CNGA1: variants seen among roughly 807,000 people sequenced by gnomAD.
CNGA1 encodes the protein cyclic nucleotide gated channel subunit alpha 1, also known as cyclic nucleotide-gated channel alpha-1.
A neutral mutation model predicts 69.7 loss-of-function variants in CNGA1; 53 were observed. That is an observed-to-expected ratio of 0.76 (90% CI 0.61 to 0.96). The LOEUF is 0.96. CNGA1 is among the 40% of genes least tolerant of loss of function. The pLI is 0.00. For missense variants in CNGA1, 739 were observed against 811.2 expected, an observed-to-expected ratio of 0.91 and a Z score of 1.08; for synonymous variants, 249 against 283.5, an observed-to-expected ratio of 0.88 and a Z score of 1.22.
chr4:47,990,692 C>T (rs557871905), intron 2 of CNGA1, among the ~76,000 whole-genome samples: 17 of 152,192 alleles, frequency 1.1e-4, no homozygotes, highest in Middle Eastern at 3.4e-3. Context: ...CATCATGGTC[C>T]TACTAATATG....
chr4:47,937,393 G>A lies in CNGA1; in HGVS notation c.1089C>T (p.Pro363=), dbSNP rs1257689378. The A allele has an allele frequency of 6.2e-7, 1 of 1,614,000 alleles. No homozygotes were observed. The highest frequency in any genetic ancestry group is 8.5e-7 in the Non-Finnish European group (1 of 1,180,030). Residue 363 remains proline (P), a synonymous_variant, in exon 11 of 11, where the codon CCC becomes CCT. Transcript: ENST00000514170. ...CATACTCAGAATCCCTCACGGGAGG[G>A]GGTGTTTCACCAATGGTAGTCAAAG... is the stretch of plus-strand genomic sequence containing the variant. ...TLTLTTIGET[P]PPVRDSEYVF...
rs1741330650 is a variant in CNGA1 at position 47,976,036 on chromosome 4, T to G, written c.-15+5357A>C. ...TAGAAATTCATGCTGATGACAGGTG[T>G]TTTGGAAAGTCTTAAAAAAAAGTCC... On this transcript the variant is annotated intron_variant, in intron 3 of 10. Transcript: ENST00000514170. 2.0e-5 allele frequency among the ~76,000 whole-genome samples: 3 copies of G among 150,954 alleles called. No individual in the cohort carries two copies. The Admixed American group carries it at 2.0e-4, about 10-fold the overall frequency.
chr4:47,984,693 C>CACAT (rs1491444355), intron 2 of CNGA1, among the ~76,000 whole-genome samples: 7 of 132,850 alleles, frequency 5.3e-5, no homozygotes, highest in South Asian at 2.4e-4. Context: ...CACACACACA[C>CACAT]ATATATATAT....
chr4:48,011,172 A>T (rs1035489919), intron 1 of CNGA1, among the ~76,000 whole-genome samples: 1 of 152,168 alleles, frequency 6.6e-6, no homozygotes, highest in African/African-American at 2.4e-5. Context: ...CCCATGTTTA[A>T]AGGTGGAAGC....
In CNGA1 at chr4:48,012,004, G is replaced by C. The variant is rs141132114; in HGVS notation, c.-222-1111C>G. ...AAAAAGATCTAGCTATGTTAACAGAGATTCTTTAAAGATGCAAATTCTCCC... is the reference window on the plus strand; with the variant it reads ...AAAAAGATCTAGCTATGTTAACAGACATTCTTTAAAGATGCAAATTCTCCC... On this transcript the variant is annotated intron_variant, in intron 1 of 10. Transcript: ENST00000514170. Among the ~76,000 whole-genome samples, 391 of 152,286 alleles carry C rather than the reference G, an allele frequency of 2.6e-3. 3 individuals are homozygous for C. Among genetic ancestry groups the C allele is most frequent in the African/African-American group, 9.1e-3 (378 of 41,544 alleles).
At chr4:48,008,225 A>G (rs1715004611) in intron 2 of CNGA1, among the ~76,000 whole-genome samples, 1 of 152,150 alleles carries the variant, frequency 6.6e-6, no homozygotes, top group South Asian at 2.1e-4. Context: ...TACCCAGACC[A>G]TTCATGACAT....
At chr4:47,947,148 A>G (rs1258265044) in intron 6 of CNGA1, among the ~76,000 whole-genome samples, 2 of 151,794 alleles carry the variant, frequency 1.3e-5, no homozygotes, top group Admixed American at 6.6e-5. Flanking sequence ...CCACTATGTC[A>G]TTTTCCACTC....
intron 1 of CNGA1, among the ~76,000 whole-genome samples, chr4:48,011,493 T>C (rs897382127): frequency 1.3e-5 from 2 of 152,136 alleles, no homozygotes; most frequent in African/African-American, 4.8e-5. Context: ...TTTAAAAAAA[T>C]CTTTTAAAAT....
intron 2 of CNGA1, among the ~76,000 whole-genome samples, chr4:47,982,650 ATAT>A (rs950040280): frequency 1.4e-4 from 21 of 152,058 alleles, no homozygotes; most frequent in African/African-American, 4.1e-4. Flanking sequence ...ATTTTATGTA[ATAT>A]TATATTATGA....
chr4:47,987,698 T>C (rs533743885), intron 2 of CNGA1, among the ~76,000 whole-genome samples: 2 of 152,230 alleles, frequency 1.3e-5, no homozygotes, highest in South Asian at 2.1e-4. Context: ...CAGATGTTGA[T>C]TATTGATATG....
intron 3 of CNGA1, among the ~76,000 whole-genome samples, chr4:47,970,053 A>C (rs757292496): frequency 6.6e-6 from 1 of 152,200 alleles, no homozygotes; most frequent in Non-Finnish European, 1.5e-5. Context: ...CACTCAAAAT[A>C]ATTCTGGAAG....
At chr4:47,974,135 C>A (rs1210432842) in intron 3 of CNGA1, among the ~76,000 whole-genome samples, 6 of 150,908 alleles carry the variant, frequency 4.0e-5, no homozygotes, top group East Asian at 1.9e-4. Context: ...TGATAGATAG[C>A]TAGATAAAAC....
At chr4:47,964,628 C>T (rs938619531) in intron 3 of CNGA1, among the ~76,000 whole-genome samples, 2 of 152,012 alleles carry the variant, frequency 1.3e-5, no homozygotes, top group South Asian at 4.1e-4. Context: ...AGTGGATAGT[C>T]GATATTCTAA....
chr4:47,995,463 A>G (rs187676236), intron 2 of CNGA1, among the ~76,000 whole-genome samples: 1 of 152,084 alleles, frequency 6.6e-6, no homozygotes, highest in East Asian at 1.9e-4. Context: ...AGCATTTTGC[A>G]TTGCTCTAAG....
intron 1 of CNGA1, among the ~76,000 whole-genome samples, chr4:48,012,558 C>CTTTTTTTTTTT (rs528643370): frequency 6.2e-5 from 4 of 64,994 alleles, no homozygotes; most frequent in Admixed American, 2.3e-4. Flanking sequence ...ACCACACCAT[C>CTTTTTTTTTTT]TTTTTTTTTT....
intron 1 of CNGA1, among the ~76,000 whole-genome samples, chr4:48,016,054 G>T (rs1221270325): frequency 6.6e-6 from 1 of 152,204 alleles, no homozygotes; most frequent in Non-Finnish European, 1.5e-5. Flanking sequence ...CATATGTATG[G>T]TATAACAAGG....
chr4:47,975,441 T>C (rs774136661), intron 3 of CNGA1, among the ~76,000 whole-genome samples: 1 of 152,186 alleles, frequency 6.6e-6, no homozygotes, highest in Non-Finnish European at 1.5e-5. Context: ...AATGTTAAAG[T>C]AGTATCTACA....
At chr4:47,976,484 T>G (rs1741426818) in intron 3 of CNGA1, among the ~76,000 whole-genome samples, 1 of 151,570 alleles carries the variant, frequency 6.6e-6, no homozygotes, top group Non-Finnish European at 1.5e-5. Flanking sequence ...AATTTCTTGA[T>G]AGTAACAATA....
chr4:47,984,819 T>A (rs1236089744), intron 2 of CNGA1, among the ~76,000 whole-genome samples: 2 of 152,058 alleles, frequency 1.3e-5, no homozygotes, highest in African/African-American at 4.8e-5. Flanking sequence ...TATTTTCAAC[T>A]TAATATTGCT....
Sources: allele counts gnomAD v4.1 joint callset (sites outside exome capture counted in the v4.1 genomes callset), GRCh38; gene constraint gnomAD v4.1.1; transcripts MANE v1.5; gene names NCBI Gene and HGNC (gene_info 2026-07-23, HGNC 2026-07-21).